Variants in ZNF516 observed in about 807,000 individuals in gnomAD.
ZNF516 encodes the protein zinc finger protein 516.
ZNF516 carries 19 observed loss-of-function variants against 79.7 expected under a neutral mutation model. The ratio of observed to expected loss-of-function variants is 0.24; its 90% CI spans 0.17 to 0.35. The LOEUF (loss-of-function observed/expected upper bound fraction) is 0.35, where lower values mean the gene tolerates loss of function less well. ZNF516 is among the 10% of genes least tolerant of loss of function. The pLI, the probability that ZNF516 is intolerant of heterozygous loss-of-function variation, is 1.00. For synonymous variants in ZNF516, 877 were observed against 739.5 expected (o/e 1.19, Z -3.02); for missense variants, 1,678 against 1,679.5 (o/e 1.00, Z 0.02).
intron 1 of ZNF516, among the ~76,000 whole-genome samples, chr18:76,482,970 T>C (rs528338227): frequency 2.8e-4 from 42 of 152,210 alleles, no homozygotes; most frequent in Admixed American, 1.4e-3. Flanking sequence ...TAGGTTCGGG[T>C]AAATAATGAA....
At chr18:76,475,796 G>T (rs1041150849) in intron 1 of ZNF516, among the ~76,000 whole-genome samples, 3 of 152,060 alleles carry the variant, frequency 2.0e-5, no homozygotes, top group Non-Finnish European at 2.9e-5. Flanking sequence ...GAAATGTTAC[G>T]CAAAATTAAA....
chr18:76,371,609 TG>T, intron 4 of ZNF516, 38 bp from the exon 5 acceptor site: 1 of 1,577,394 alleles, frequency 6.3e-7, no homozygotes, highest in Non-Finnish European at 8.6e-7. Flanking sequence ...AGGGCCGTGG[TG>T]GGGTTGGCGT....
intron 6 of ZNF516, among the ~76,000 whole-genome samples, chr18:76,369,116 C>T (rs2074662389): frequency 1.3e-5 from 2 of 152,200 alleles, no homozygotes; most frequent in Non-Finnish European, 2.9e-5. Context: ...CTTGCTCTTA[C>T]TACATCCCAC....
In ZNF516 at chr18:76,379,876, A is replaced by G; in HGVS notation, c.2238T>C (p.Asn746=). Residue 746 remains asparagine, a synonymous_variant, in exon 4 of 7, where the codon AAT becomes AAC. Coordinates refer to ENST00000443185, the MANE Select transcript of ZNF516 (RefSeq NM_014643.4). ...CCTGCAGGGAGGAGGCCGTCTCCTT[A>G]TTGCTGGGGTCATCCCGCGTCGACC... ...SARSTRDDPS[N]KETASSLQAA... 1 of 1,613,922 alleles carries G rather than the reference A, an allele frequency of 6.2e-7. No individual in the cohort carries two copies. The highest frequency in any genetic ancestry group is 2.2e-5 in the East Asian group (1 of 44,842).
chr18:76,411,699 G>A (rs2075373946), intron 3 of ZNF516, among the ~76,000 whole-genome samples: 1 of 152,130 alleles, frequency 6.6e-6, no homozygotes, highest in Non-Finnish European at 1.5e-5. Context: ...TGACTACGGA[G>A]AGGGCTCAGA....
At chr18:76,363,805 G>A (rs574926773) in intron 6 of ZNF516, among the ~76,000 whole-genome samples, 29 of 152,310 alleles carry the variant, frequency 1.9e-4, no homozygotes, top group Admixed American at 7.2e-4. Context: ...AATGGTCTTC[G>A]TGTTTACCAA....
chr18:76,439,882 G>A (rs1386095651), intron 3 of ZNF516, among the ~76,000 whole-genome samples: 2 of 151,858 alleles, frequency 1.3e-5, no homozygotes, highest in Admixed American at 6.6e-5. Context: ...AAAGAACACC[G>A]AGAATTAAAC....
rs1164356514 is a variant in ZNF516 at position 76,370,600 on chromosome 18, G to A, written c.3365-5C>T. On this transcript the variant is annotated splice_region_variant and splice_polypyrimidine_tract_variant and intron_variant, in intron 5 of 6. Coordinates refer to ENST00000443185, the MANE Select transcript of ZNF516 (RefSeq NM_014643.4). ...GCCCATCGGACTCAAACACCACTGTGGGAACAAGGGGTTTGTTAACAGATC... is the reference window on the plus strand; with the variant it reads ...GCCCATCGGACTCAAACACCACTGTAGGAACAAGGGGTTTGTTAACAGATC... The A allele has an allele frequency of 6.3e-7, 1 of 1,595,442 alleles. No homozygotes were observed. Among genetic ancestry groups the A allele is most frequent in the Admixed American group, 1.7e-5 (1 of 57,358 alleles).
intron 2 of ZNF516, among the ~76,000 whole-genome samples, chr18:76,445,758 G>A (rs586769): frequency 1 from 151,715 of 152,362 alleles, 75,539 homozygotes; most frequent in Non-Finnish European, 1. Flanking sequence ...GCCAGCTCCA[G>A]AGACAGGATT....
intron 3 of ZNF516, among the ~76,000 whole-genome samples, chr18:76,413,092 G>A (rs758918346): frequency 1.3e-5 from 2 of 152,214 alleles, no homozygotes; most frequent in Non-Finnish European, 2.9e-5. Flanking sequence ...CAGAAACGAA[G>A]TGCTATTATT....
Position 76,442,405 on chromosome 18 carries a change from C to T in ZNF516, c.650G>A (p.Ser217Asn). The T allele has an allele frequency of 6.2e-7, 1 of 1,607,926 alleles. No individual in the cohort carries two copies. The highest frequency in any genetic ancestry group is 1.3e-5 in the African/African-American group (1 of 75,070). ...GGTGATGTGGTCCCTCTCGATGTGG[C>T]TCAGCAGCGACTCCTCCCGCAGCGT... ...YATLREESLLSHIERDHITAQ... is the reference protein window; with the variant it reads ...YATLREESLLNHIERDHITAQ... The change falls in exon 3 of 7, where the codon AGC (serine) becomes AAC (asparagine). Residue 217 changes from serine (S) to asparagine (N), a missense_variant. Ser to Asn is a conservative substitution (Grantham distance 46). Transcript: ENST00000443185.
intron 3 of ZNF516, 65 bp downstream of exon 3, chr18:76,441,180 C>T: frequency 6.5e-7 from 1 of 1,540,928 alleles, no homozygotes; most frequent in Admixed American, 2.0e-5. Context: ...ATACGTTTAC[C>T]TGGAAGCAGG....
chr18:76,391,236 G>A (rs1329961080), intron 3 of ZNF516, among the ~76,000 whole-genome samples: 1 of 152,144 alleles, frequency 6.6e-6, no homozygotes, highest in East Asian at 1.9e-4. Flanking sequence ...CTCTGGCCGA[G>A]GAGGGTACTA....
rs1379089749 is a variant in ZNF516, at chr18:76,463,129, C to A, written c.-259G>T. 6.6e-6 allele frequency: 1 copy of A among 152,212 alleles called. No homozygotes were observed. The highest frequency in any genetic ancestry group is 1.5e-5 in the Non-Finnish European group (1 of 68,040). 9.4% of individuals were successfully genotyped at this position (152,212 alleles called of 1,614,324 possible). A position where few individuals can be genotyped will look rare whatever the true frequency, so the allele number is the denominator to read the frequency against. On this transcript the variant is annotated 5_prime_UTR_variant, in exon 2 of 7. Coordinates refer to ENST00000443185, the MANE Select transcript of ZNF516 (RefSeq NM_014643.4). ...CAGAGAAGGACCGAACTCCACTCGG[C>A]CTCTCTCAGATTCTGAAATGAGGAA... is the stretch of plus-strand genomic sequence containing the variant.
At chr18:76,397,764 C>T (rs899478704) in intron 3 of ZNF516, among the ~76,000 whole-genome samples, 4 of 152,044 alleles carry the variant, frequency 2.6e-5, no homozygotes, top group African/African-American at 7.2e-5. Flanking sequence ...TGCTTGGCTA[C>T]TTTTTTAAAA....
At chr18:76,376,576 A>G (rs540553017) in intron 4 of ZNF516, among the ~76,000 whole-genome samples, 47 of 151,886 alleles carry the variant, frequency 3.1e-4, no homozygotes, top group African/African-American at 1.1e-3. Flanking sequence ...ATTTTTTAAA[A>G]TGTCTGTAAG....
At chr18:76,437,150 T>C (rs2075753179) in intron 3 of ZNF516, among the ~76,000 whole-genome samples, 1 of 151,502 alleles carries the variant, frequency 6.6e-6, no homozygotes, top group Admixed American at 6.6e-5. Context: ...CTGTGTTCTA[T>C]CAGAAAGAAA....
intron 3 of ZNF516, among the ~76,000 whole-genome samples, chr18:76,416,139 C>G (rs1043492343): frequency 1.3e-5 from 2 of 152,244 alleles, no homozygotes; most frequent in Non-Finnish European, 2.9e-5. Context: ...GAAAAACTCT[C>G]AGGAAACACA....
At position 76,480,724 on chromosome 18, in the gene ZNF516, G is replaced by C. The variant is rs529336344; in HGVS notation, c.-272+14420C>G. ...TTTAGTAGAGATGGGGTTTTGCCAT[G>C]TTGGCCAGGCTGGTCTCAAACTCCT... On this transcript the variant is annotated intron_variant, in intron 1 of 6. Coordinates refer to ENST00000443185, the MANE Select transcript of ZNF516 (RefSeq NM_014643.4). 4.6e-5 allele frequency among the ~76,000 whole-genome samples: 7 copies of C among 152,212 alleles called. No homozygotes were observed. In the South Asian group the frequency reaches 6.2e-4, roughly 14 times the overall value.
Sources: allele counts gnomAD v4.1 joint callset (sites outside exome capture counted in the v4.1 genomes callset), GRCh38; gene constraint gnomAD v4.1.1; transcripts MANE v1.5; gene names NCBI Gene and HGNC (gene_info 2026-07-23, HGNC 2026-07-21).